Variants in LSAMP observed in about 807,000 individuals in gnomAD.
The protein encoded by LSAMP is limbic system-associated membrane protein.
In LSAMP, 7 loss-of-function variants were observed where a neutral mutation model predicts 38.6. The ratio of observed to expected loss-of-function variants is 0.18; its 90% CI spans 0.10 to 0.34. The LOEUF (loss-of-function observed/expected upper bound fraction) is 0.34, where lower values mean the gene tolerates loss of function less well. Among genes scored for constraint, LSAMP ranks in the 10% least tolerant of loss-of-function variants. The pLI is 1.00. For synonymous variants in LSAMP, 154 were observed against 166.8 expected (o/e 0.92, Z 0.59); for missense variants, 313 against 420.0 (o/e 0.75, Z 2.23).
chr3:116,001,970 C>A (rs1027138410), intron 3 of LSAMP, among the ~76,000 whole-genome samples: 1 of 152,186 alleles, frequency 6.6e-6, no homozygotes, highest in African/African-American at 2.4e-5. Context: ...TTCTGTCTAT[C>A]ACCCTCCTCT....
At chr3:116,130,341 C>T (rs765109306) in intron 1 of LSAMP, among the ~76,000 whole-genome samples, 6 of 152,128 alleles carry the variant, frequency 3.9e-5, no homozygotes, top group Non-Finnish European at 5.9e-5. Context: ...AGATTATAAA[C>T]ATACAAATAG....
At chr3:116,338,144 G>A (rs965225440) in intron 1 of LSAMP, among the ~76,000 whole-genome samples, 1 of 151,968 alleles carries the variant, frequency 6.6e-6, no homozygotes, top group Non-Finnish European at 1.5e-5. Context: ...TTTGTGGAAA[G>A]GATTCTCTTT....
chr3:116,019,131 T>C (rs752934206), intron 3 of LSAMP, among the ~76,000 whole-genome samples: 1 of 136,652 alleles, frequency 7.3e-6, no homozygotes, highest in African/African-American at 2.7e-5. Flanking sequence ...AGCCATTTAA[T>C]GCTTCTGTAT....
intron 1 of LSAMP, among the ~76,000 whole-genome samples, chr3:116,260,053 A>G (rs1307505051): frequency 6.6e-6 from 1 of 152,132 alleles, no homozygotes. Context: ...GAGAAGTTAC[A>G]TTTCCAAGAT....
At chr3:116,411,336 G>T (rs1425017209) in intron 1 of LSAMP, among the ~76,000 whole-genome samples, 8 of 152,004 alleles carry the variant, frequency 5.3e-5, no homozygotes, top group African/African-American at 1.7e-4. Flanking sequence ...CGTATGTTTA[G>T]TGCGGCACTA....
intron 3 of LSAMP, among the ~76,000 whole-genome samples, chr3:115,922,212 A>G (rs1285916249): frequency 2.0e-5 from 3 of 151,954 alleles, no homozygotes; most frequent in Non-Finnish European, 4.4e-5. Context: ...CATAATGCCT[A>G]TATTGCTTGA....
intron 1 of LSAMP, among the ~76,000 whole-genome samples, chr3:116,243,443 T>G (rs1450076084): frequency 6.6e-6 from 1 of 152,206 alleles, no homozygotes; most frequent in African/African-American, 2.4e-5. Flanking sequence ...CTCTTTAGTA[T>G]TAGAAGAAAA....
intron 1 of LSAMP, among the ~76,000 whole-genome samples, chr3:116,228,850 G>T (rs952575891): frequency 6.6e-6 from 1 of 152,042 alleles, no homozygotes; most frequent in Non-Finnish European, 1.5e-5. Flanking sequence ...AGGGAAAGCA[G>T]GTGGTATATT....
chr3:115,925,036 C>T (rs963110258), intron 3 of LSAMP, among the ~76,000 whole-genome samples: 1 of 152,182 alleles, frequency 6.6e-6, no homozygotes, highest in African/African-American at 2.4e-5. Flanking sequence ...TCCAAAATTC[C>T]CTGCCTGTGG....
chr3:116,113,278 T>A (rs1326656598), intron 1 of LSAMP, among the ~76,000 whole-genome samples: 2 of 147,460 alleles, frequency 1.4e-5, no homozygotes, highest in African/African-American at 5.3e-5. Flanking sequence ...CCATGTTAAG[T>A]CATTCTCTCT....
chr3:115,812,701 G>A (rs1933877106), intron 6 of LSAMP, among the ~76,000 whole-genome samples: 1 of 152,180 alleles, frequency 6.6e-6, no homozygotes, highest in Admixed American at 6.5e-5. Flanking sequence ...AGAGGGTTAG[G>A]CAGAAAATAC....
At chr3:115,939,538 T>TTCTTTCTTTCTTTCTTTCTTTCTC (rs1937826668) in intron 3 of LSAMP, among the ~76,000 whole-genome samples, 1 of 72,396 alleles carries the variant, frequency 1.4e-5, no homozygotes, top group Non-Finnish European at 3.2e-5. Flanking sequence ...TTCTCTTTCT[T>TTCTTTCTTTCTTTCTTTCTTTCTC]TCTTTCTTTC....
intron 1 of LSAMP, among the ~76,000 whole-genome samples, chr3:116,416,885 A>G (rs1175636612): frequency 6.6e-6 from 1 of 152,130 alleles, no homozygotes; most frequent in Non-Finnish European, 1.5e-5. Context: ...AACAGAATAA[A>G]AGACGAGAGA....
At chr3:115,826,099 T>C (rs1407659953) in intron 6 of LSAMP, among the ~76,000 whole-genome samples, 2 of 134,466 alleles carry the variant, frequency 1.5e-5, no homozygotes, top group African/African-American at 6.7e-5. Context: ...TCTCTTTCTG[T>C]CTTTTATTTT....
intron 6 of LSAMP, among the ~76,000 whole-genome samples, chr3:115,830,243 T>C (rs1438986421): frequency 1.3e-5 from 2 of 152,240 alleles, no homozygotes; most frequent in Non-Finnish European, 2.9e-5. Context: ...CTGTGTGAGT[T>C]GGGCATACAT....
chr3:116,226,194 C>T (rs947543923), intron 1 of LSAMP, among the ~76,000 whole-genome samples: 9 of 152,182 alleles, frequency 5.9e-5, no homozygotes, highest in African/African-American at 2.2e-4. Context: ...CCTCAAAACA[C>T]CTCTTCTCCT....
At chr3:116,089,731 T>C (rs142351346) in intron 1 of LSAMP, among the ~76,000 whole-genome samples, 1,955 of 152,126 alleles carry the variant, frequency 0.013, 19 homozygotes, top group South Asian at 0.027. Context: ...CAGTATAGTG[T>C]TTTTAAAAAG....
chr3:116,214,850 T>C (rs1320298307), intron 1 of LSAMP, among the ~76,000 whole-genome samples: 2 of 152,098 alleles, frequency 1.3e-5, no homozygotes, highest in African/African-American at 4.8e-5. Flanking sequence ...GGGAGAGGTA[T>C]GACAGGGTCA....
intron 1 of LSAMP, among the ~76,000 whole-genome samples, chr3:116,343,782 C>G (rs2048028496): frequency 6.6e-6 from 1 of 152,046 alleles, no homozygotes; most frequent in Non-Finnish European, 1.5e-5. Flanking sequence ...GGTCACCCAC[C>G]CTGAACTGCA....
Sources: gnomAD v4.1 joint callset for allele counts (sites outside exome capture counted in the v4.1 genomes callset) on GRCh38, gnomAD v4.1.1 for gene constraint, MANE v1.5 for transcripts, NCBI Gene and HGNC (gene_info 2026-07-23, HGNC 2026-07-21) for gene names.